The following ETAA1 variants were observed in gnomAD, a reference collection of about 807,000 sequenced individuals.
ETAA1 encodes ewing's tumor-associated antigen 1.
In ETAA1, 49 loss-of-function variants were observed where a neutral mutation model predicts 76.8. The ratio of observed to expected loss-of-function variants is 0.64; its 90% CI spans 0.51 to 0.81. ETAA1 has a LOEUF of 0.81. Among genes scored for constraint, ETAA1 ranks in the 30% least tolerant of loss-of-function variants. The pLI is 0.00. For missense variants in ETAA1, 1,099 were observed against 1,074.0 expected, an observed-to-expected ratio of 1.02 and a Z score of -0.32; for synonymous variants, 373 against 372.2, an observed-to-expected ratio of 1.00 and a Z score of -0.03.
chr2:67,398,994 C>T (rs1428368394), intron 1 of ETAA1, among the ~76,000 whole-genome samples, 175 bp from the exon 2 acceptor site: 1 of 152,020 alleles, frequency 6.6e-6, no homozygotes, highest in Non-Finnish European at 1.5e-5. Context: ...TGCGAAGTGC[C>T]GCGTGGATTT....
chr2:67,397,705 C>T, intron 1 of ETAA1, 34 bp downstream of exon 1: 1 of 1,534,836 alleles, frequency 6.5e-7, no homozygotes. Context: ...GCCTTGGCTT[C>T]GGCGCCGCAT....
At position 67,404,263 on chromosome 2, in the gene ETAA1, G is replaced by A. The variant is rs10496153; in HGVS notation, c.1581G>A (p.Arg527=). The A allele has an allele frequency of 0.095, 153,216 of 1,612,000 alleles. 7,710 individuals are homozygous for A. The highest frequency in any genetic ancestry group is 0.13 in the Middle Eastern group (807 of 6,044). Residue 527 remains arginine (R), a synonymous_variant, in exon 5 of 6, where the codon AGG becomes AGA. Coordinates refer to ENST00000272342, the MANE Select transcript of ETAA1 (RefSeq NM_019002.4). ...AAAGGAAGTCAGCTTTGAACACAAGGTATTCTAATGAACAGAAAAATAAGT... is the reference window on the plus strand; with the variant it reads ...AAAGGAAGTCAGCTTTGAACACAAGATATTCTAATGAACAGAAAAATAAGT... The part of the protein sequence containing the change: ...ASERKSALNT[R]YSNEQKNKCI...
chr2:67,410,144 A>T lies in ETAA1; in HGVS notation c.*106A>T. 2 of 1,023,896 alleles carry T rather than the reference A, an allele frequency of 2.0e-6. No homozygotes were observed. Among genetic ancestry groups the T allele is most frequent in the Non-Finnish European group, 2.9e-6 (2 of 683,504 alleles). 63.4% of individuals were successfully genotyped at this position (1,023,896 alleles called of 1,614,324 possible). A position where few individuals can be genotyped will look rare whatever the true frequency, so the allele number is the denominator to read the frequency against. ...TGTGAGAAATGTAATGCTGACTTTT[A>T]TAAAGCCTGGACTTCTACTTTATTT... On this transcript the variant is annotated 3_prime_UTR_variant, in exon 6 of 6. Coordinates refer to ENST00000272342, the MANE Select transcript of ETAA1 (RefSeq NM_019002.4).
Position 67,402,936 on chromosome 2 carries a change from A to G in ETAA1, c.504A>G (p.Val168=), listed in dbSNP as rs765669111. 1.4e-5 allele frequency: 22 copies of G among 1,606,656 alleles called. No homozygotes were observed. The highest frequency in any genetic ancestry group is 1.8e-5 in the Non-Finnish European group (21 of 1,176,454). Residue 168 remains valine (V), a synonymous_variant, in exon 4 of 6, where the codon GTA becomes GTG. Transcript: ENST00000272342. ...CTGCTATTCCTTGTACTCCCAGTGT[A>G]GCAAAAGGAAAATCAAGAGCAAAAA... ...GETAIPCTPS[V]AKGKSRAKIS... is the part of the protein sequence containing the mutation.
rs913703370 is a variant in ETAA1 at position 67,411,024 on chromosome 2, TTTTTC to T, written c.*992_*996del. The T allele has an allele frequency of 2.0e-4, 31 of 152,080 alleles. No individual in the cohort carries two copies. Among genetic ancestry groups the T allele is most frequent in the African/African-American group, 6.5e-4 (27 of 41,434 alleles). The allele number at this position is 152,080 out of a possible 1,614,324, so 9.4% of individuals were successfully genotyped here. A position where few individuals can be genotyped will look rare whatever the true frequency, so the allele number is the denominator to read the frequency against. Reference sequence around the variant, plus strand: ...TTCCAGGATATAAAAATGAGAATCTTTTTTCTTTTCAGTTTTTCTGTAACTGTAAT... The same window carrying T: ...TTCCAGGATATAAAAATGAGAATCTTTTTTCAGTTTTTCTGTAACTGTAAT... On this transcript the variant is annotated 3_prime_UTR_variant, in exon 6 of 6. Transcript: ENST00000272342.
At chr2:67,399,713 G>T in intron 3 of ETAA1, 87 bp downstream of exon 3, 1 of 860,234 alleles carries the variant, frequency 1.2e-6, no homozygotes, top group Non-Finnish European at 1.8e-6. Context: ...GAAAAGTATT[G>T]TCTATTATAA....
rs758407178 is a variant in ETAA1 at position 67,405,062 on chromosome 2, T to G, written c.2380T>G (p.Leu794Val). ...NTEITTYKKKLSTNQPCHKTV... is the reference protein window; with the variant it reads ...NTEITTYKKKVSTNQPCHKTV... Reference sequence around the variant, plus strand: ...AGAAATTACTACTTATAAGAAGAAATTGAGTACTAATCAGCCATGCCATAA... The same window carrying G: ...AGAAATTACTACTTATAAGAAGAAAGTGAGTACTAATCAGCCATGCCATAA... The change falls in exon 5 of 6, where the codon TTG (leucine) becomes GTG (valine). Residue 794 changes from leucine to valine, a missense_variant. By Grantham distance (32) the Leu-to-Val change is conservative (BLOSUM62 1). Coordinates refer to ENST00000272342, the MANE Select transcript of ETAA1 (RefSeq NM_019002.4). 6.2e-7 allele frequency: 1 copy of G among 1,612,104 alleles called. No individual in the cohort carries two copies. Among genetic ancestry groups the G allele is most frequent in the African/African-American group, 1.3e-5 (1 of 74,902 alleles).
chr2:67,408,259 A>C (rs1239753346), intron 5 of ETAA1, among the ~76,000 whole-genome samples: 3 of 152,146 alleles, frequency 2.0e-5, no homozygotes, highest in African/African-American at 7.2e-5. Context: ...ATCTGTCCAA[A>C]TCCAGCCTGC....
At position 67,405,118 on chromosome 2, in the gene ETAA1, T is replaced by G. The variant is rs533086345; in HGVS notation, c.2436T>G (p.Leu812=). 9.3e-6 allele frequency: 15 copies of G among 1,612,624 alleles called. No individual in the cohort carries two copies. The South Asian group carries it at 1.4e-4, about 15-fold the overall frequency. ...TAACAGATGAAGCTCAGAGCAACCT[T>G]AACACAACAGTTGGATTTTCAAAGT... ...KTVTDEAQSN[L]NTTVGFSKFT... The change falls in exon 5 of 6, where the codon CTT becomes CTG. Residue 812 remains leucine, a synonymous_variant. Coordinates refer to ENST00000272342, the MANE Select transcript of ETAA1 (RefSeq NM_019002.4).
rs752506361 is a variant in ETAA1 at position 67,405,305 on chromosome 2, C to T, written c.2623C>T (p.Leu875Phe). ...EAVGQQSLVK[L>F]SESLKQSSKE... ...TGTTGGACAGCAATCTTTGGTGAAA[C>T]TTTCTGAATCTTTGAAACAATCTTC... Residue 875 changes from leucine to phenylalanine, a missense_variant, in exon 5 of 6, where the codon CTT becomes TTT. Physicochemically the swap from Leu to Phe is conservative, Grantham distance 22 (BLOSUM62 0). Around this residue, in one of 3 missense-constraint regions of ETAA1, gnomAD observed 302 missense variants for 278.1 expected, o/e 1.09. Coordinates refer to ENST00000272342, the MANE Select transcript of ETAA1 (RefSeq NM_019002.4). The T allele has an allele frequency of 6.5e-7, 1 of 1,547,028 alleles. No homozygotes were observed. Among genetic ancestry groups the T allele is most frequent in the Non-Finnish European group, 8.7e-7 (1 of 1,150,526 alleles).
rs1428227362 is a variant in ETAA1 at position 67,405,024 on chromosome 2, A to C, written c.2342A>C (p.Asp781Ala). The part of the protein sequence containing the change: ...PGSSSLNVTS[D>A]HMNTEITTYK... Reference sequence around the variant, plus strand: ...AGTTCAAGTTTGAATGTAACTTCAGATCATATGAATACAGAAATTACTACT... The same window carrying C: ...AGTTCAAGTTTGAATGTAACTTCAGCTCATATGAATACAGAAATTACTACT... The change falls in exon 5 of 6, where the codon GAT becomes GCT. Residue 781 changes from aspartate to alanine, a missense_variant. Transcript: ENST00000272342. The C allele has an allele frequency of 6.2e-7, 1 of 1,611,768 alleles. No individual in the cohort carries two copies. Among genetic ancestry groups the C allele is most frequent in the South Asian group, 1.1e-5 (1 of 90,928 alleles).
intron 5 of ETAA1, among the ~76,000 whole-genome samples, chr2:67,408,666 A>G (rs1049443937): frequency 2.0e-5 from 3 of 152,162 alleles, no homozygotes; most frequent in African/African-American, 7.2e-5. Context: ...GGAAAGACTG[A>G]TGGGAAAAAT....
intron 2 of ETAA1, 37 bp downstream of exon 2, chr2:67,399,334 T>C (rs1470050855): frequency 1.9e-6 from 3 of 1,546,468 alleles, no homozygotes; most frequent in African/African-American, 2.8e-5. Context: ...TGAGTAAATA[T>C]TTGATAAATG....
intron 3 of ETAA1, chr2:67,400,580 G>A (rs116165775): frequency 6.6e-6 from 1 of 152,090 alleles, no homozygotes; most frequent in African/African-American, 2.4e-5. Flanking sequence ...AAGAAGCAAA[G>A]GCTCAATACG....
At chr2:67,399,456 C>T in intron 2 of ETAA1, 94 bp from the exon 3 acceptor site, 1 of 1,154,732 alleles carries the variant, frequency 8.7e-7, no homozygotes, top group East Asian at 2.5e-5. Context: ...CTCTAAGCTG[C>T]ACTAAATAAA....
Position 67,410,848 on chromosome 2 carries a change from A to T in ETAA1, c.*810A>T, listed in dbSNP as rs1235517309. On this transcript the variant is annotated 3_prime_UTR_variant, in exon 6 of 6. Transcript: ENST00000272342. ...AATGATTTATTTGGACACCTAAACA[A>T]TTATACTATTTGTTTCAAAGTATCA... 1.3e-5 allele frequency: 2 copies of T among 152,090 alleles called. No individual in the cohort carries two copies. The highest frequency in any genetic ancestry group is 4.8e-5 in the African/African-American group (2 of 41,442). The allele number at this position is 152,090 out of a possible 1,614,324, so 9.4% of individuals were successfully genotyped here.
rs1340839660 is a variant in ETAA1, at chr2:67,402,870, A to G, written c.438A>G (p.Lys146=). ...IVNRIAPQDE[K]PTTNSMLDMW... Reference sequence around the variant, plus strand: ...TTCCCTATCTGCCAAAGGATGAAAAACCAACAACAAATTCTATGCTGGACA... The same window carrying G: ...TTCCCTATCTGCCAAAGGATGAAAAGCCAACAACAAATTCTATGCTGGACA... Residue 146 remains lysine (K), a synonymous_variant, in exon 4 of 6, where the codon AAA becomes AAG. Transcript: ENST00000272342. The G allele has an allele frequency of 2.5e-6, 4 of 1,588,402 alleles. No individual in the cohort carries two copies. The highest frequency in any genetic ancestry group is 3.4e-6 in the Non-Finnish European group (4 of 1,168,660).
chr2:67,400,556 ATAT>A (rs1676025816), intron 3 of ETAA1: 1 of 152,188 alleles, frequency 6.6e-6, no homozygotes, highest in South Asian at 2.1e-4. Flanking sequence ...AGTAACTCTA[ATAT>A]TATAATTACT....
At position 67,402,893 on chromosome 2, in the gene ETAA1, A is replaced by G. The variant is rs780117575; in HGVS notation, c.461A>G (p.Asp154Gly). The change falls in exon 4 of 6, where the codon GAC becomes GGC. Residue 154 changes from aspartate to glycine, a missense_variant. Asp to Gly is a moderately conservative substitution (Grantham distance 94). Coordinates refer to ENST00000272342, the MANE Select transcript of ETAA1 (RefSeq NM_019002.4). The stretch of plus-strand genomic sequence containing the variant: ...AAACCAACAACAAATTCTATGCTGG[A>G]CATGTGGATTGGTGAAACTGCTATT... ...DEKPTTNSML[D>G]MWIGETAIPC... The G allele has an allele frequency of 1.7e-5, 28 of 1,602,730 alleles. No homozygotes were observed. Among genetic ancestry groups the G allele is most frequent in the Non-Finnish European group, 2.3e-5 (27 of 1,174,718 alleles).
Sources: gnomAD v4.1 joint callset for allele counts (sites outside exome capture counted in the v4.1 genomes callset) on GRCh38, gnomAD v4.1.1 for gene constraint, gnomAD v4.1.1 regional missense constraint, MANE v1.5 for transcripts, NCBI Gene and HGNC (gene_info 2026-07-23, HGNC 2026-07-21) for gene names.